Variants in SDHAF4 observed in about 807,000 individuals in gnomAD.
SDHAF4 encodes succinate dehydrogenase complex assembly factor 4.
A neutral mutation model predicts 14.3 loss-of-function variants in SDHAF4; 14 were observed. The ratio of observed to expected loss-of-function variants is 0.98; its 90% confidence interval spans 0.65 to 1.53. The LOEUF (loss-of-function observed/expected upper bound fraction) is 1.53. Among genes scored for constraint, SDHAF4 ranks in the 40% most tolerant of loss-of-function variants. The pLI, the probability that SDHAF4 is intolerant of heterozygous loss-of-function variation, is 0.00. For synonymous variants in SDHAF4, 63 were observed against 47.3 expected, an observed-to-expected ratio of 1.33 and a Z score of -1.36; for missense variants, 141 against 129.3, an observed-to-expected ratio of 1.09 and a Z score of -0.44.
At chr6:70,587,319 A>G (rs1429985324) in intron 2 of SDHAF4, among the ~76,000 whole-genome samples, 1 of 151,960 alleles carries the variant, frequency 6.6e-6, no homozygotes, top group Non-Finnish European at 1.5e-5. Flanking sequence ...GTGAAACCCC[A>G]TCTCTACTAA....
At chr6:70,590,063 C>T (rs1468978567), downstream of SDHAF4, among the ~76,000 whole-genome samples, 1 of 152,134 alleles carries the variant, frequency 6.6e-6, no homozygotes, top group African/African-American at 2.4e-5. Flanking sequence ...CATGGCAAAA[C>T]CCCGTCTCTA....
intron 2 of SDHAF4, among the ~76,000 whole-genome samples, chr6:70,585,822 T>C (rs1765187903): frequency 7.9e-6 from 1 of 127,114 alleles, no homozygotes; most frequent in Admixed American, 7.5e-5. Flanking sequence ...GTATCCTTTT[T>C]CTTTTGCCTG....
chr6:70,591,747 A>G (rs183275250), downstream of SDHAF4, among the ~76,000 whole-genome samples: 7 of 152,370 alleles, frequency 4.6e-5, no homozygotes, highest in Non-Finnish European at 8.8e-5. Context: ...ACTGAAGTAT[A>G]TACATTAGTT....
the SDHAF4 span, chr6:70,597,006 A>G: frequency 6.6e-6 from 1 of 152,254 alleles, no homozygotes; most frequent in Non-Finnish European, 1.5e-5. Flanking sequence ...TGATTGATCA[A>G]TTAGAAGGGA....
At position 70,566,973 on chromosome 6, in the gene SDHAF4, C is replaced by T. The variant is rs1391812711; in HGVS notation, c.33C>T (p.Ser11=). The stretch of plus-strand genomic sequence containing the variant: ...CATCGAGGCTTCCCTGGTTGCTTAG[C>T]TGGGTCTCGGCCACGGCGTGGAGAG... MTPSRLPWLL[S]WVSATAWRAA... The change falls in exon 1 of 3, where the codon AGC becomes AGT. Residue 11 remains serine (S), a synonymous_variant. Transcript: ENST00000370474. 3.1e-6 allele frequency: 5 copies of T among 1,592,998 alleles called. No homozygotes were observed. The African/African-American group carries it at 4.0e-5, about 13-fold the overall frequency.
Position 70,588,858 on chromosome 6 carries a change from A to ATATAAATATATATATATATAAT in SDHAF4, c.*135_*136insATAAATATATATATATATAATT, listed in dbSNP as rs1313071941. 8.7e-6 allele frequency: 2 copies of ATATAAATATATATATATATAAT among 228,586 alleles called. No individual in the cohort carries two copies. Among genetic ancestry groups the ATATAAATATATATATATATAAT allele is most frequent in the African/African-American group, 4.8e-5 (1 of 20,942 alleles). The allele number at this position is 228,586 out of a possible 1,614,324, so 14.2% of individuals were successfully genotyped here. ...ATGTGTTTAAATATATATATATATG[A>ATATAAATATATATATATATAAT]TGGCTTTGGAAGAAAATATGCTGCT... On this transcript the variant is annotated 3_prime_UTR_variant, in exon 3 of 3. Coordinates refer to ENST00000370474, the MANE Select transcript of SDHAF4 (RefSeq NM_145267.3).
downstream of SDHAF4, among the ~76,000 whole-genome samples, chr6:70,592,587 A>G (rs1223746350): frequency 6.6e-6 from 1 of 152,214 alleles, no homozygotes; most frequent in African/African-American, 2.4e-5. Flanking sequence ...CCAGCTACCA[A>G]TTCCAAGGAA....
intron 1 of SDHAF4, among the ~76,000 whole-genome samples, chr6:70,575,319 G>A (rs912549612): frequency 2.6e-5 from 4 of 151,914 alleles, no homozygotes; most frequent in African/African-American, 9.7e-5. Context: ...TGGAGGTTGC[G>A]ATGAGCTGAG....
At chr6:70,593,960 G>T (rs1581935214), downstream of SDHAF4, among the ~76,000 whole-genome samples, 1 of 152,116 alleles carries the variant, frequency 6.6e-6, no homozygotes, top group African/African-American at 2.4e-5. Flanking sequence ...CTCCCAAAGT[G>T]CTGGAATTAC....
At chr6:70,594,372 T>C (rs1403739854), downstream of SDHAF4, among the ~76,000 whole-genome samples, 2 of 152,222 alleles carry the variant, frequency 1.3e-5, no homozygotes, top group Non-Finnish European at 2.9e-5. Context: ...AATCCAACTA[T>C]GCTATTTGAC....
chr6:70,568,969 T>TC (rs1256519995), intron 1 of SDHAF4, among the ~76,000 whole-genome samples: 11 of 138,500 alleles, frequency 7.9e-5, no homozygotes, highest in East Asian at 2.0e-4. Context: ...TTTCTTTTTT[T>TC]TTTTTTTTTT....
chr6:70,583,691 C>T (rs1192257411), intron 2 of SDHAF4, among the ~76,000 whole-genome samples: 1 of 152,026 alleles, frequency 6.6e-6, no homozygotes, highest in Admixed American at 6.5e-5. Context: ...AAAACAAAAA[C>T]AAAACAAAAC....
chr6:70,586,277 G>A (rs112023288), intron 2 of SDHAF4, among the ~76,000 whole-genome samples: 20 of 152,232 alleles, frequency 1.3e-4, no homozygotes, highest in African/African-American at 4.8e-4. Context: ...TTGAACTGGA[G>A]CTCTCAGAGG....
intron 1 of SDHAF4, among the ~76,000 whole-genome samples, chr6:70,576,178 C>A (rs139544246): frequency 6.6e-6 from 1 of 152,206 alleles, no homozygotes; most frequent in Non-Finnish European, 1.5e-5. Context: ...GTAAAGCCTG[C>A]AGGTGCCAAG....
At chr6:70,594,037 G>T (rs1765281207), downstream of SDHAF4, among the ~76,000 whole-genome samples, 1 of 152,124 alleles carries the variant, frequency 6.6e-6, no homozygotes, top group Non-Finnish European at 1.5e-5. Flanking sequence ...TTTCTGACTT[G>T]TTAGGGGCCG....
chr6:70,572,249 G>C (rs1562055175), intron 1 of SDHAF4, among the ~76,000 whole-genome samples: 1 of 151,560 alleles, frequency 6.6e-6, no homozygotes, highest in Non-Finnish European at 1.5e-5. Flanking sequence ...GTTTTTAGTA[G>C]AGACGAGGTT....
Position 70,579,989 on chromosome 6 carries a change from C to T in SDHAF4, c.217+423C>T, listed in dbSNP as rs150958563. Among the ~76,000 whole-genome samples, 170 of 151,886 alleles carry T rather than the reference C, an allele frequency of 1.1e-3. 1 individual carries two copies. Among genetic ancestry groups the T allele is most frequent in the African/African-American group, 3.5e-3 (143 of 41,428 alleles). Reference sequence around the variant, plus strand: ...TATATAAAGGACTCCAATAACTCAACGAAAAGTCAAAAATAGCAAAGCACT... The same window carrying T: ...TATATAAAGGACTCCAATAACTCAATGAAAAGTCAAAAATAGCAAAGCACT... On this transcript the variant is annotated intron_variant, in intron 2 of 2. Transcript: ENST00000370474.
intron 1 of SDHAF4, among the ~76,000 whole-genome samples, chr6:70,570,413 C>T (rs1211172088): frequency 6.6e-6 from 1 of 152,124 alleles, no homozygotes; most frequent in African/African-American, 2.4e-5. Context: ...ACCTCCACCT[C>T]CCGAAATCAA....
downstream of SDHAF4, among the ~76,000 whole-genome samples, chr6:70,593,383 G>A (rs910877028): frequency 5.9e-5 from 9 of 152,346 alleles, no homozygotes; most frequent in East Asian, 1.5e-3. Context: ...CTCTGCTAGG[G>A]CAATGCTGAG....
Sources: gnomAD v4.1 joint callset for allele counts (sites outside exome capture counted in the v4.1 genomes callset) on GRCh38, gnomAD v4.1.1 for gene constraint, MANE v1.5 for transcripts, NCBI Gene and HGNC (gene_info 2026-07-23, HGNC 2026-07-21) for gene names.